The following NRXN3 variants were observed in gnomAD, a reference collection of about 807,000 sequenced individuals.
NRXN3 encodes the protein neurexin III.
NRXN3 carries 32 observed loss-of-function variants against 137.6 expected under a neutral mutation model. That is an observed-to-expected ratio of 0.23 (90% CI 0.18 to 0.31). The LOEUF (loss-of-function observed/expected upper bound fraction) is 0.31. Ranked by LOEUF, NRXN3 falls within the 10% of genes least tolerant of loss-of-function variation. The pLI, the probability that NRXN3 is intolerant of heterozygous loss-of-function variation, is 1.00. For missense variants in NRXN3, 1,574 were observed against 2,062.5 expected (o/e 0.76, Z 4.59); for synonymous variants, 798 against 784.5 (o/e 1.02, Z -0.29).
At chr14:79,701,847 T>C (rs2098755831) in intron 19 of NRXN3, among the ~76,000 whole-genome samples, 2 of 152,058 alleles carry the variant, frequency 1.3e-5, no homozygotes, top group South Asian at 2.1e-4. Context: ...CTAGTGGCTA[T>C]GTTATATGAT....
chr14:78,676,517 A>G (rs2098008753), intron 6 of NRXN3, among the ~76,000 whole-genome samples: 1 of 152,168 alleles, frequency 6.6e-6, no homozygotes, highest in Non-Finnish European at 1.5e-5. Context: ...TGCAGAAGAA[A>G]GGTTTGAAAT....
At chr14:79,773,439 T>C (rs1462416253) in intron 19 of NRXN3, among the ~76,000 whole-genome samples, 1 of 152,126 alleles carries the variant, frequency 6.6e-6, no homozygotes, top group Non-Finnish European at 1.5e-5. Context: ...CATGGAATAC[T>C]ATGCAGCCAT....
At chr14:78,664,759 T>C (rs1602102706) in intron 6 of NRXN3, among the ~76,000 whole-genome samples, 1 of 152,220 alleles carries the variant, frequency 6.6e-6, no homozygotes, top group South Asian at 2.1e-4. Flanking sequence ...TGTGTTCATA[T>C]GTTTCCTCAA....
intron 8 of NRXN3, among the ~76,000 whole-genome samples, chr14:78,802,424 C>A (rs983141366): frequency 1.3e-5 from 2 of 152,040 alleles, no homozygotes; most frequent in Admixed American, 6.5e-5. Flanking sequence ...AGGAGATATA[C>A]CTAATGTTAA....
chr14:79,330,628 G>A (rs537366621), intron 15 of NRXN3, among the ~76,000 whole-genome samples: 1 of 152,152 alleles, frequency 6.6e-6, no homozygotes, highest in East Asian at 1.9e-4. Flanking sequence ...TAGAAGTAAA[G>A]GTAGGTAGCC....
At chr14:79,518,310 T>C (rs1644326116) in intron 16 of NRXN3, among the ~76,000 whole-genome samples, 1 of 152,178 alleles carries the variant, frequency 6.6e-6, no homozygotes, top group South Asian at 2.1e-4. Flanking sequence ...ATAATGTTAA[T>C]TTACAAATTA....
chr14:78,226,179 A>G (rs137886556), intron 1 of NRXN3, among the ~76,000 whole-genome samples: 2,427 of 152,002 alleles, frequency 0.016, 70 homozygotes, highest in African/African-American at 0.056. Context: ...AATTTTTTGT[A>G]TTTTTAGTAG....
intron 11 of NRXN3, among the ~76,000 whole-genome samples, chr14:78,960,429 CT>C (rs2099405892): frequency 6.6e-6 from 1 of 152,110 alleles, no homozygotes; most frequent in African/African-American, 2.4e-5. Context: ...TAAGGCCCCC[CT>C]AGTGTGTCCA....
intron 4 of NRXN3, among the ~76,000 whole-genome samples, chr14:78,553,195 G>A (rs1007451169): frequency 4.6e-5 from 7 of 151,968 alleles, no homozygotes; most frequent in Non-Finnish European, 7.4e-5. Context: ...CATTTACGCC[G>A]TCCTTTGTCT....
intron 2 of NRXN3, among the ~76,000 whole-genome samples, chr14:78,255,795 T>TA (rs1259010745): frequency 6.6e-6 from 1 of 152,238 alleles, no homozygotes; most frequent in African/African-American, 2.4e-5. Context: ...ATGCAGGTTT[T>TA]ATATGTGCAC....
At chr14:78,447,901 G>T (rs957656963) in intron 4 of NRXN3, among the ~76,000 whole-genome samples, 1 of 152,128 alleles carries the variant, frequency 6.6e-6, no homozygotes. Flanking sequence ...TTGTAAAAAT[G>T]GGCCTTATAA....
At chr14:78,389,140 T>C (rs1375791557) in intron 4 of NRXN3, among the ~76,000 whole-genome samples, 1 of 151,816 alleles carries the variant, frequency 6.6e-6, no homozygotes, top group Non-Finnish European at 1.5e-5. Context: ...ACTGCAAACT[T>C]TGCCTCCTGG....
At chr14:78,622,171 C>T (rs2097412513) in intron 4 of NRXN3, among the ~76,000 whole-genome samples, 1 of 152,118 alleles carries the variant, frequency 6.6e-6, no homozygotes, top group African/African-American at 2.4e-5. Flanking sequence ...TATTGTCCCC[C>T]TGCTCCCCAC....
intron 6 of NRXN3, among the ~76,000 whole-genome samples, chr14:78,681,879 C>T (rs2152744399): frequency 6.6e-6 from 1 of 151,930 alleles, no homozygotes; most frequent in East Asian, 1.9e-4. Context: ...GTTGTTGTTG[C>T]TGTTGTTTTA....
At chr14:78,848,827 G>C (rs1421548674) in intron 10 of NRXN3, among the ~76,000 whole-genome samples, 3 of 152,090 alleles carry the variant, frequency 2.0e-5, no homozygotes, top group Non-Finnish European at 2.9e-5. Context: ...TTGCTGAATT[G>C]AGTAGCTGGG....
At chr14:79,192,228 C>T (rs140807726) in intron 15 of NRXN3, among the ~76,000 whole-genome samples, 1 of 152,272 alleles carries the variant, frequency 6.6e-6, no homozygotes, top group East Asian at 1.9e-4. Flanking sequence ...TACTGATCAT[C>T]TCTAAGTCTT....
At chr14:78,621,845 A>G (rs1307571348) in intron 4 of NRXN3, among the ~76,000 whole-genome samples, 1 of 152,180 alleles carries the variant, frequency 6.6e-6, no homozygotes. Flanking sequence ...GAAGCTGGAC[A>G]TTTGGATTTG....
At chr14:78,775,282 G>T (rs1003663450) in intron 8 of NRXN3, among the ~76,000 whole-genome samples, 1 of 152,118 alleles carries the variant, frequency 6.6e-6, no homozygotes, top group African/African-American at 2.4e-5. Flanking sequence ...TTAGTAGAAG[G>T]CCTCAGCATC....
At chr14:79,765,887 T>A (rs190698661) in intron 19 of NRXN3, among the ~76,000 whole-genome samples, 3 of 152,322 alleles carry the variant, frequency 2.0e-5, no homozygotes, top group African/African-American at 7.2e-5. Flanking sequence ...ACTTCAAGTA[T>A]GTAAAAAAAC....
Sources: allele counts gnomAD v4.1 joint callset (sites outside exome capture counted in the v4.1 genomes callset), GRCh38; gene constraint gnomAD v4.1.1; transcripts MANE v1.5; gene names NCBI Gene and HGNC (gene_info 2026-07-23, HGNC 2026-07-21).